Variants in CFAP46 observed in about 807,000 individuals in gnomAD.
CFAP46 encodes cilia- and flagella-associated protein 46.
In CFAP46, 245 loss-of-function variants were observed where a neutral mutation model predicts 325.7. The observed-to-expected ratio is 0.75, with a 90% confidence interval of 0.68 to 0.84. CFAP46 has a LOEUF of 0.84. CFAP46 is among the 40% of genes least tolerant of loss of function. The pLI is 0.00. For synonymous variants in CFAP46, 1,523 were observed against 1,495.9 expected (o/e 1.02, Z -0.42); for missense variants, 3,346 against 3,543.0 (o/e 0.94, Z 1.41).
chr10:132,881,818 T>C (rs1849047395), intron 27 of CFAP46, among the ~76,000 whole-genome samples: 1 of 148,038 alleles, frequency 6.8e-6, no homozygotes, highest in African/African-American at 2.7e-5. Flanking sequence ...ATTTCTGCTG[T>C]CAAATATCTG....
chr10:132,869,838 G>A lies in CFAP46; in HGVS notation c.4512-466C>T, dbSNP rs1490583592. On this transcript the variant is annotated intron_variant, in intron 32 of 57. Transcript: ENST00000368586. The surrounding 1 kb of genome is among the most constrained non-coding windows in gnomAD (Gnocchi z 6.2). ...TGCTCCAGCCTCCTCTCCCGTGCCC[G>A]CCCCTGGGATATCTGAGCAAGCTGA... 7.9e-5 allele frequency among the ~76,000 whole-genome samples: 12 copies of A among 152,264 alleles called. No individual in the cohort carries two copies. In the East Asian group the frequency reaches 1.9e-3, roughly 24 times the overall value.
intron 22 of CFAP46, among the ~76,000 whole-genome samples, chr10:132,902,212 G>A (rs973827994): frequency 6.7e-6 from 1 of 148,762 alleles, no homozygotes; most frequent in Admixed American, 6.6e-5. Flanking sequence ...TGCTGCCTCT[G>A]TCCTCCTGAG....
intron 22 of CFAP46, among the ~76,000 whole-genome samples, chr10:132,900,934 T>C (rs1230986991): frequency 1.3e-5 from 2 of 152,228 alleles, no homozygotes; most frequent in African/African-American, 4.8e-5. Flanking sequence ...TGCTATTAGG[T>C]GAACACACAT....
Position 132,821,038 on chromosome 10 carries a change from T to A in CFAP46, c.7118-6124A>T, listed in dbSNP as rs574848014. Among the ~76,000 whole-genome samples the A allele has an allele frequency of 1.3e-3, 173 of 134,414 alleles. 2 individuals carry two copies. The highest frequency in any genetic ancestry group is 5.0e-3 in the African/African-American group (170 of 34,194). 88.2% of individuals were successfully genotyped at this position (134,414 alleles called of 152,430 possible). ...GTGCTGTGTGCTGTGTGTGTGCTGATGTGTGCTGTGTGTGCTGTGTGCTGT... is the reference window on the plus strand; with the variant it reads ...GTGCTGTGTGCTGTGTGTGTGCTGAAGTGTGCTGTGTGTGCTGTGTGCTGT... On this transcript the variant is annotated intron_variant, in intron 50 of 57. Transcript: ENST00000368586.
intron 39 of CFAP46, 143 bp downstream of exon 39, chr10:132,857,447 G>T: frequency 7.8e-6 from 6 of 769,880 alleles, no homozygotes; most frequent in South Asian, 1.9e-5. Flanking sequence ...TTTTTTTGTT[G>T]TTTCAGATGG....
At chr10:132,868,682 T>C (rs1372647863) in intron 33 of CFAP46, among the ~76,000 whole-genome samples, 1 of 152,238 alleles carries the variant, frequency 6.6e-6, no homozygotes, top group Non-Finnish European at 1.5e-5. Flanking sequence ...GAGCTTTATT[T>C]TCCTCTTTCT....
Position 132,867,374 on chromosome 10 carries a change from C to T in CFAP46, c.4743+1G>A, listed in dbSNP as rs962707759. Reference sequence around the variant, plus strand: ...AGAGGGATTCTGGACGGTGAGGTTACCTTGTCCTTGGCGTCCAGTGGTTTG... The same window carrying T: ...AGAGGGATTCTGGACGGTGAGGTTATCTTGTCCTTGGCGTCCAGTGGTTTG... On this transcript the variant is annotated splice_donor_variant, in intron 34 of 57. Transcript: ENST00000368586. LOFTEE classifies it high-confidence loss of function. 6.5e-7 allele frequency: 1 copy of T among 1,549,606 alleles called. No individual in the cohort carries two copies. Among genetic ancestry groups the T allele is most frequent in the Non-Finnish European group, 8.7e-7 (1 of 1,146,812 alleles).
intron 53 of CFAP46, 133 bp downstream of exon 53, chr10:132,814,444 C>T (rs909789078): frequency 1.6e-6 from 2 of 1,232,238 alleles, no homozygotes; most frequent in Admixed American, 2.3e-5. Flanking sequence ...TATTTACAGC[C>T]AAAATGGGGC....
Position 132,847,292 on chromosome 10 carries a change from A to G in CFAP46, c.5982T>C (p.Ser1994=). 1 of 1,613,422 alleles carries G rather than the reference A, an allele frequency of 6.2e-7. No homozygotes were observed. The highest frequency in any genetic ancestry group is 1.1e-5 in the South Asian group (1 of 91,056). Residue 1994 remains serine (S), a synonymous_variant, in exon 42 of 58, where the codon TCT becomes TCC. Coordinates refer to ENST00000368586, the MANE Select transcript of CFAP46 (RefSeq NM_001200049.3). This position sits in a 1 kb window ranked among gnomAD's most constrained non-coding sequence, Gnocchi z 5.2. ...SVGAKLSGLK[S]LELEVEEEGA... is the part of the protein sequence containing the mutation. Reference sequence around the variant, plus strand: ...CCTCTTCCTCTACCTCCAGCTCCAGAGACTTGAGGCCGCTCAGCTTGGCGC... The same window carrying G: ...CCTCTTCCTCTACCTCCAGCTCCAGGGACTTGAGGCCGCTCAGCTTGGCGC...
At chr10:132,825,555 G>A (rs1183933413) in intron 50 of CFAP46, among the ~76,000 whole-genome samples, 4 of 152,182 alleles carry the variant, frequency 2.6e-5, no homozygotes, top group African/African-American at 9.7e-5. Context: ...TTACATGCCG[G>A]TCACACCTCA....
intron 1 of CFAP46, 136 bp downstream of exon 1, chr10:132,942,300 G>C: frequency 9.6e-7 from 1 of 1,046,404 alleles, no homozygotes; most frequent in South Asian, 1.7e-5. Flanking sequence ...CGGGAGGTGG[G>C]GGCTCCGGCT....
intron 55 of CFAP46, among the ~76,000 whole-genome samples, chr10:132,812,122 C>G (rs558348534): frequency 6.6e-6 from 1 of 152,210 alleles, no homozygotes; most frequent in Non-Finnish European, 1.5e-5. Flanking sequence ...GCCTCCTGAC[C>G]ACTCGCCCTG....
intron 50 of CFAP46, among the ~76,000 whole-genome samples, chr10:132,823,914 GAT>G (rs1433406660): frequency 7.4e-6 from 1 of 135,088 alleles, no homozygotes; most frequent in African/African-American, 2.6e-5. Flanking sequence ...TGTGAGCGCT[GAT>G]GTGTGTGTGT....
rs530129258 is a variant in CFAP46 at position 132,919,156 on chromosome 10, G to A, written c.1858+159C>T. On this transcript the variant is annotated intron_variant, in intron 15 of 57. Coordinates refer to ENST00000368586, the MANE Select transcript of CFAP46 (RefSeq NM_001200049.3). This position sits in a 1 kb window ranked among gnomAD's most constrained non-coding sequence, Gnocchi z 9.7. ...ATGTGGCCGCCGCCCCATGATTGGC[G>A]GTCCTGATAATTAGTGGGAACTGCT... Among the ~76,000 whole-genome samples the A allele has an allele frequency of 2.6e-4, 39 of 152,324 alleles. No individual in the cohort carries two copies. Among genetic ancestry groups the A allele is most frequent in the African/African-American group, 8.7e-4 (36 of 41,574 alleles).
intron 16 of CFAP46, among the ~76,000 whole-genome samples, chr10:132,917,582 G>A (rs994719764): frequency 1.4e-4 from 22 of 152,166 alleles, no homozygotes; most frequent in African/African-American, 5.3e-4. Context: ...ACCGAGTGGC[G>A]GTTGCCGTGT....
chr10:132,822,058 GTGC>G (rs1424853869), intron 50 of CFAP46, among the ~76,000 whole-genome samples: 2 of 145,818 alleles, frequency 1.4e-5, no homozygotes, highest in African/African-American at 5.3e-5. Context: ...TGTGCTGTGT[GTGC>G]TGATGTGTGC....
chr10:132,866,961 T>C (rs924269803), intron 34 of CFAP46, among the ~76,000 whole-genome samples: 1 of 152,164 alleles, frequency 6.6e-6, no homozygotes, highest in Non-Finnish European at 1.5e-5. Context: ...CCACCTTCTC[T>C]CAGCCTCTGC....
chr10:132,882,174 G>A (rs1849056801), intron 27 of CFAP46, among the ~76,000 whole-genome samples: 2 of 148,670 alleles, frequency 1.3e-5, no homozygotes, highest in African/African-American at 4.9e-5. Flanking sequence ...TGGTGTGTGT[G>A]GGATGTGGGG....
At chr10:132,861,086 GAC>G (rs1170386175) in intron 35 of CFAP46, 104 bp from the exon 36 acceptor site, 26 of 1,133,234 alleles carry the variant, frequency 2.3e-5, no homozygotes, top group Admixed American at 6.2e-5. Context: ...GAGAGGCAGA[GAC>G]AGACAGACGC....
Sources: gnomAD v4.1 joint callset for allele counts (sites outside exome capture counted in the v4.1 genomes callset) on GRCh38, gnomAD v4.1.1 for gene constraint, Gnocchi (gnomAD v3.1) non-coding constraint, MANE v1.5 for transcripts, NCBI Gene and HGNC (gene_info 2026-07-23, HGNC 2026-07-21) for gene names.